PCYT1B: variants seen among roughly 807,000 people sequenced by gnomAD.
The protein encoded by PCYT1B is phosphate cytidylyltransferase 1B, choline.
PCYT1B carries 10 observed loss-of-function variants against 26.4 expected under a neutral mutation model. The ratio of observed to expected loss-of-function variants is 0.38; its 90% confidence interval spans 0.23 to 0.64. The LOEUF is 0.64. Among genes scored for constraint, PCYT1B ranks in the 30% least tolerant of loss-of-function variants. PCYT1B has a pLI of 0.56. For missense variants in PCYT1B, 161 were observed against 292.7 expected (o/e 0.55, Z 3.28); for synonymous variants, 131 against 108.4 (o/e 1.21, Z -1.29).
intron 1 of PCYT1B, among the ~76,000 whole-genome samples, chrX:24,624,898 T>C (rs888998543): frequency 2.7e-5 from 3 of 112,596 alleles, no homozygotes; most frequent in Non-Finnish European, 5.6e-5. Context: ...TTTGTAAGTA[T>C]TACCTTTATT....
chrX:24,635,072 A>G (rs186791438), intron 1 of PCYT1B, among the ~76,000 whole-genome samples: 1 of 112,603 alleles, frequency 8.9e-6, no homozygotes. Context: ...AGCATCCAGA[A>G]CATGAAGATA....
At chrX:24,573,031 CAT>C (rs752299437) in intron 7 of PCYT1B, among the ~76,000 whole-genome samples, 322 of 107,858 alleles carry the variant, frequency 3.0e-3, no homozygotes, top group African/African-American at 0.01. Context: ...CACATACACA[CAT>C]ATATACATAT....
intron 7 of PCYT1B, among the ~76,000 whole-genome samples, chrX:24,570,490 G>T (rs931980416): frequency 2.7e-5 from 3 of 109,846 alleles, no homozygotes; most frequent in East Asian, 5.8e-4. Flanking sequence ...TTGACCTCAG[G>T]TGATTCACCT....
intron 2 of PCYT1B, among the ~76,000 whole-genome samples, chrX:24,615,427 G>A (rs1925454877): frequency 9.0e-6 from 1 of 110,591 alleles, no homozygotes. Flanking sequence ...AACTCTCTCT[G>A]CTTCTATTTC....
chrX:24,584,040 AG>A (rs1924289269), intron 5 of PCYT1B, among the ~76,000 whole-genome samples: 1 of 112,500 alleles, frequency 8.9e-6, no homozygotes, highest in Non-Finnish European at 1.9e-5. Flanking sequence ...ATGACTTTAA[AG>A]GGTATTTATC....
At chrX:24,564,120 T>A (rs1307493764) in intron 7 of PCYT1B, among the ~76,000 whole-genome samples, 1 of 108,870 alleles carries the variant, frequency 9.2e-6, no homozygotes, top group Non-Finnish European at 1.9e-5. Context: ...AGGTGGAGGT[T>A]GCAGTGAGCC....
intron 3 of PCYT1B, among the ~76,000 whole-genome samples, chrX:24,605,827 G>A (rs1037608615): frequency 5.5e-5 from 6 of 109,936 alleles, no homozygotes; most frequent in East Asian, 2.9e-4. Context: ...AGGCTGAGGC[G>A]GGTGGATCAT....
chrX:24,586,417 G>A (rs767975338), intron 5 of PCYT1B, among the ~76,000 whole-genome samples: 1 of 112,542 alleles, frequency 8.9e-6, no homozygotes, highest in African/African-American at 3.2e-5. Context: ...GAAGGTCCAT[G>A]AGTACCAAGA....
At chrX:24,657,443 A>C (rs1032090934) in intron 1 of PCYT1B, among the ~76,000 whole-genome samples, 1 of 112,550 alleles carries the variant, frequency 8.9e-6, no homozygotes, top group Non-Finnish European at 1.9e-5. Flanking sequence ...GTAATTTTCA[A>C]CACTTAAGGG....
intron 1 of PCYT1B, among the ~76,000 whole-genome samples, chrX:24,643,899 A>G (rs765088072): frequency 1.8e-5 from 2 of 111,956 alleles, no homozygotes; most frequent in African/African-American, 6.5e-5. Flanking sequence ...TACACTTTCC[A>G]TAGTTAGTTA....
chrX:24,666,521 T>C (rs1266811857), intron 1 of PCYT1B, among the ~76,000 whole-genome samples: 1 of 111,356 alleles, frequency 9.0e-6, no homozygotes, highest in African/African-American at 3.3e-5. Context: ...AAAAACAGAT[T>C]TGAAATAGGT....
In PCYT1B at chrX:24,618,934, C is replaced by G. The variant is rs762183324; in HGVS notation, c.217+51G>C. 7 of 861,451 alleles carry G rather than the reference C, an allele frequency of 8.1e-6. 1 individual carries two copies. The Admixed American group carries it at 2.0e-4, about 25-fold the overall frequency. The allele number at this position is 861,451 out of a possible 1,213,427, so 71.0% of individuals were successfully genotyped here. A position where few individuals can be genotyped will look rare whatever the true frequency, so the allele number is the denominator to read the frequency against. ...CACCACGCCCGGCCCCTTTCTGATA[C>G]TTTAAAATGTCAAGACAGGGCCCAT... On this transcript the variant is annotated intron_variant, in intron 2 of 7. Transcript: ENST00000379144.
chrX:24,612,290 T>C (rs936918103), intron 2 of PCYT1B, among the ~76,000 whole-genome samples: 36 of 112,766 alleles, frequency 3.2e-4, no homozygotes, highest in African/African-American at 1.1e-3. Context: ...GGGTGACACC[T>C]TAAATGCAGC....
Position 24,558,914 on chromosome X carries a change from C to G in PCYT1B, c.*3379G>C, listed in dbSNP as rs1022041924. 10 of 110,926 alleles carry G rather than the reference C, an allele frequency of 9.0e-5. No homozygotes were observed. Among genetic ancestry groups the G allele is most frequent in the African/African-American group, 3.3e-4 (10 of 30,509 alleles). 9.1% of individuals were successfully genotyped at this position (110,926 alleles called of 1,213,427 possible). Reference sequence around the variant, plus strand: ...TATAGAAGTGCTGAAATGAAGCAACCAGAGAGGCAGGGACCCCATATCCTG... The same window carrying G: ...TATAGAAGTGCTGAAATGAAGCAACGAGAGAGGCAGGGACCCCATATCCTG... On this transcript the variant is annotated 3_prime_UTR_variant, in exon 8 of 8. Coordinates refer to ENST00000379144, the MANE Select transcript of PCYT1B (RefSeq NM_004845.5).
chrX:24,613,950 C>CAAAA (rs200062439), intron 2 of PCYT1B, among the ~76,000 whole-genome samples: 191 of 76,961 alleles, frequency 2.5e-3, no homozygotes, highest in Non-Finnish European at 3.7e-3. Context: ...AACAACCTGT[C>CAAAA]AAAAAAAAAA....
rs188055538 is a variant in PCYT1B at position 24,632,529 on chromosome X, G to A, written c.118-13445C>T. 5 of 130,769 alleles carry A rather than the reference G, an allele frequency of 3.8e-5. No individual in the cohort carries two copies. The East Asian group carries it at 1.0e-3, about 27-fold the overall frequency. The allele number at this position is 130,769 out of a possible 1,213,427, so 10.8% of individuals were successfully genotyped here. On this transcript the variant is annotated intron_variant, in intron 1 of 7. Coordinates refer to ENST00000379144, the MANE Select transcript of PCYT1B (RefSeq NM_004845.5). Reference sequence around the variant, plus strand: ...GAGATCCATACAGCTTGTGCCTGCTGCCTAGGGAGATGGCCAATCACACTG... The same window carrying A: ...GAGATCCATACAGCTTGTGCCTGCTACCTAGGGAGATGGCCAATCACACTG...
At chrX:24,567,913 C>T (rs1207146513) in intron 7 of PCYT1B, among the ~76,000 whole-genome samples, 1 of 111,585 alleles carries the variant, frequency 9.0e-6, no homozygotes, top group African/African-American at 3.3e-5. Context: ...CATGCCATTG[C>T]ACTCCAGCCT....
intron 1 of PCYT1B, among the ~76,000 whole-genome samples, chrX:24,638,577 C>G (rs1926368680): frequency 8.9e-6 from 1 of 111,954 alleles, no homozygotes; most frequent in South Asian, 3.7e-4. Context: ...TTGTTTCTAC[C>G]TTCCTTGCTT....
At chrX:24,563,819 T>G (rs1036261931) in intron 7 of PCYT1B, among the ~76,000 whole-genome samples, 6 of 111,522 alleles carry the variant, frequency 5.4e-5, no homozygotes, top group African/African-American at 2.0e-4. Context: ...CCATTCTGAC[T>G]GCTGTGTTGG....
Sources: gnomAD v4.1 joint callset for allele counts (sites outside exome capture counted in the v4.1 genomes callset) on GRCh38, gnomAD v4.1.1 for gene constraint, MANE v1.5 for transcripts, NCBI Gene and HGNC (gene_info 2026-07-23, HGNC 2026-07-21) for gene names.